Variants in ZFAT observed in about 807,000 individuals in gnomAD.
The protein encoded by ZFAT is zinc finger protein ZFAT.
In ZFAT, 64 loss-of-function variants were observed where a neutral mutation model predicts 117.7. The observed-to-expected ratio is 0.54, with a 90% CI of 0.44 to 0.67. The LOEUF (loss-of-function observed/expected upper bound fraction) is 0.67, where lower values mean the gene tolerates loss of function less well. ZFAT is among the 30% of genes least tolerant of loss of function. The probability of loss-of-function intolerance (pLI) is 0.00; values close to 1 mark genes in which losing one functional copy is unlikely to be tolerated. For missense variants in ZFAT, 1,433 were observed against 1,584.5 expected (o/e 0.90, Z 1.62); for synonymous variants, 679 against 615.0 (o/e 1.10, Z -1.54).
At chr8:134,504,537 T>G (rs1819249488) in intron 15 of ZFAT, among the ~76,000 whole-genome samples, 1 of 152,182 alleles carries the variant, frequency 6.6e-6, no homozygotes, top group Admixed American at 6.5e-5. Flanking sequence ...AGGCACTGAT[T>G]GTTCTGCTAA....
At chr8:134,825,142 CAATA>C in the ZFAT span, among the ~76,000 whole-genome samples, 5 of 152,154 alleles carry the variant, frequency 3.3e-5, no homozygotes, top group Non-Finnish European at 7.4e-5. Flanking sequence ...ATATTCCCAG[CAATA>C]ACATGTAAAA....
At chr8:134,730,932 G>C in the ZFAT span, among the ~76,000 whole-genome samples, 2 of 152,210 alleles carry the variant, frequency 1.3e-5, no homozygotes, top group Non-Finnish European at 2.9e-5. Context: ...ATGAAGAAAA[G>C]CTCCTAAGAG....
At chr8:134,672,344 T>C (rs1002371246) in intron 1 of ZFAT, among the ~76,000 whole-genome samples, 2 of 151,376 alleles carry the variant, frequency 1.3e-5, no homozygotes, top group Non-Finnish European at 2.9e-5. Flanking sequence ...AAGCTGGAGG[T>C]GGAACTGAAC....
intron 2 of ZFAT, among the ~76,000 whole-genome samples, chr8:134,645,356 A>T (rs1830823139): frequency 6.6e-6 from 1 of 152,226 alleles, no homozygotes; most frequent in African/African-American, 2.4e-5. Context: ...TTTCACAAAG[A>T]GAAAAAGAAA....
intron 3 of ZFAT, among the ~76,000 whole-genome samples, chr8:134,619,934 C>T (rs1008225233): frequency 3.9e-5 from 6 of 152,170 alleles, no homozygotes; most frequent in Non-Finnish European, 7.4e-5. Flanking sequence ...GCGCTTCCCA[C>T]AACCCCTCCT....
intron 1 of ZFAT, chr8:134,673,603 T>C (rs1832658417): frequency 6.5e-6 from 1 of 153,272 alleles, no homozygotes; most frequent in Admixed American, 6.5e-5. Flanking sequence ...ATAATTTTGA[T>C]AATGAATTCT....
chr8:134,779,464 G>T, the ZFAT span, among the ~76,000 whole-genome samples: 4 of 152,122 alleles, frequency 2.6e-5, no homozygotes, highest in African/African-American at 9.7e-5. Context: ...AAACAGCAAA[G>T]AATACACACT....
At chr8:134,588,146 C>G in intron 9 of ZFAT, 100 bp downstream of exon 9, 1 of 1,340,190 alleles carries the variant, frequency 7.5e-7, no homozygotes, top group Non-Finnish European at 1.0e-6. Context: ...ATTCTAACAG[C>G]AGGGATGTGA....
chr8:134,714,264 C>A (rs1814162297), upstream of ZFAT, among the ~76,000 whole-genome samples: 1 of 152,130 alleles, frequency 6.6e-6, no homozygotes, highest in Non-Finnish European at 1.5e-5. Context: ...ACATGAAATT[C>A]TCGGACAGCC....
chr8:134,749,838 AT>A, the ZFAT span, among the ~76,000 whole-genome samples: 1 of 152,012 alleles, frequency 6.6e-6, no homozygotes, highest in Non-Finnish European at 1.5e-5. Flanking sequence ...ATTTTATTGT[AT>A]TTTTCCCCTC....
intron 10 of ZFAT, among the ~76,000 whole-genome samples, chr8:134,574,988 A>G (rs1204256791): frequency 7.0e-6 from 1 of 143,460 alleles, no homozygotes; most frequent in Non-Finnish European, 1.5e-5. Context: ...AGAATATTTG[A>G]AAAAAAAAAG....
At chr8:134,747,248 C>T in the ZFAT span, among the ~76,000 whole-genome samples, 1 of 151,762 alleles carries the variant, frequency 6.6e-6, no homozygotes, top group Non-Finnish European at 1.5e-5. Flanking sequence ...GCCACCACAC[C>T]CAGCTAATTT....
chr8:134,640,791 A>C (rs1830536827), intron 2 of ZFAT, among the ~76,000 whole-genome samples: 1 of 152,196 alleles, frequency 6.6e-6, no homozygotes, highest in Non-Finnish European at 1.5e-5. Flanking sequence ...ATATTCATGA[A>C]TGAACTTGAA....
the ZFAT span, chr8:134,795,614 G>C: frequency 6.6e-6 from 1 of 152,172 alleles, no homozygotes. Flanking sequence ...ACAATGGTTT[G>C]TAAATGATTC....
At chr8:134,568,451 C>G (rs556437095) in intron 10 of ZFAT, among the ~76,000 whole-genome samples, 1 of 152,308 alleles carries the variant, frequency 6.6e-6, no homozygotes, top group African/African-American at 2.4e-5. Context: ...GCAGCCTGGG[C>G]AAAACTGTGC....
At chr8:134,605,694 T>C (rs1827837768) in intron 5 of ZFAT, among the ~76,000 whole-genome samples, 1 of 152,252 alleles carries the variant, frequency 6.6e-6, no homozygotes, top group African/African-American at 2.4e-5. Flanking sequence ...TTTTCCACAA[T>C]AGTTAAGAAT....
In ZFAT at chr8:134,493,349, G is replaced by T. The variant is rs117157240; in HGVS notation, c.3493-14628C>A. On this transcript the variant is annotated intron_variant, in intron 15 of 15. Coordinates refer to ENST00000377838, the MANE Select transcript of ZFAT (RefSeq NM_020863.4). ...GAAGGGCCAGCTCTCTTCATTGAGAGAGAAGGGCCTTCGAAACAGGCTGAG... is the reference window on the plus strand; with the variant it reads ...GAAGGGCCAGCTCTCTTCATTGAGATAGAAGGGCCTTCGAAACAGGCTGAG... Among the ~76,000 whole-genome samples the T allele has an allele frequency of 5.9e-5, 9 of 152,342 alleles. No individual in the cohort carries two copies. In the East Asian group the frequency reaches 9.7e-4, roughly 16 times the overall value.
In ZFAT at chr8:134,583,931, G is replaced by A. The variant is rs748138009; in HGVS notation, c.2788C>T (p.Arg930Cys). The stretch of plus-strand genomic sequence containing the variant: ...AGGTGGGTTTTCTCAGTGCTGTGAC[G>A]ATTCATATGAGCCTTGAGGTTACTC... The part of the protein sequence containing the change: ...SKSNLKAHMN[R>C]HSTEKTHLCD... Residue 930 changes from arginine (R) to cysteine (C), a missense_variant, in exon 10 of 16, where the codon CGT (arginine) becomes TGT (cysteine). Physicochemically the swap from Arg to Cys is radical, Grantham distance 180. Transcript: ENST00000377838. 15 of 1,597,058 alleles carry A rather than the reference G, an allele frequency of 9.4e-6. No homozygotes were observed. The highest frequency in any genetic ancestry group is 1.0e-5 in the Non-Finnish European group (12 of 1,170,930).
chr8:134,700,769 C>G (rs1038563097), intron 1 of ZFAT, among the ~76,000 whole-genome samples: 1 of 152,180 alleles, frequency 6.6e-6, no homozygotes, highest in Non-Finnish European at 1.5e-5. Context: ...TTCCTGAGCC[C>G]CTCGCCCAGC....
Sources: gnomAD v4.1 joint callset for allele counts (sites outside exome capture counted in the v4.1 genomes callset) on GRCh38, gnomAD v4.1.1 for gene constraint, MANE v1.5 for transcripts, NCBI Gene and HGNC (gene_info 2026-07-23, HGNC 2026-07-21) for gene names.